The following VPS13B variants were observed in gnomAD, a reference collection of about 807,000 sequenced individuals.
VPS13B encodes vacuolar protein sorting 13 homolog B.
A neutral mutation model predicts 426.4 loss-of-function variants in VPS13B; 285 were observed. The ratio of observed to expected loss-of-function variants is 0.67; its 90% confidence interval spans 0.61 to 0.74. The LOEUF (loss-of-function observed/expected upper bound fraction) is 0.74, where lower values mean the gene tolerates loss of function less well. VPS13B is among the 30% of genes least tolerant of loss of function. The pLI is 0.00. For synonymous variants in VPS13B, 1,676 were observed against 1,676.4 expected, an observed-to-expected ratio of 1.00 and a Z score of 0.01; for missense variants, 4,537 against 4,782.6, an observed-to-expected ratio of 0.95 and a Z score of 1.51.
intron 21 of VPS13B, among the ~76,000 whole-genome samples, chr8:99,402,857 A>G (rs1815113922): frequency 1.3e-5 from 2 of 152,242 alleles, no homozygotes; most frequent in South Asian, 4.1e-4. Flanking sequence ...TGTGGGATCT[A>G]TGCAGTCTAT....
At chr8:99,180,851 T>C (rs543010165) in intron 16 of VPS13B, among the ~76,000 whole-genome samples, 2 of 152,248 alleles carry the variant, frequency 1.3e-5, no homozygotes, top group South Asian at 4.1e-4. Flanking sequence ...TTAGCCTTAA[T>C]AGTAGAGAAG....
rs563803734 is a variant in VPS13B at position 99,300,529 on chromosome 8, A to G, written c.2824+25275A>G. ...AGCTTAAAGTTGTTGCTGTATTCCA[A>G]GTCAGTTTGTAACCAACCCTAATAT... On this transcript the variant is annotated intron_variant, in intron 19 of 61. Coordinates refer to ENST00000357162, the MANE Select transcript of VPS13B (RefSeq NM_152564.5). Among the ~76,000 whole-genome samples the G allele has an allele frequency of 2.0e-5, 3 of 152,302 alleles. No individual in the cohort carries two copies. The South Asian group carries it at 6.2e-4, about 32-fold the overall frequency.
chr8:99,546,935 A>AT (rs960553601), intron 30 of VPS13B, among the ~76,000 whole-genome samples: 19 of 151,920 alleles, frequency 1.3e-4, no homozygotes, highest in African/African-American at 4.3e-4. Flanking sequence ...TTTTTCTATG[A>AT]TTTTTTCTTA....
rs191182682 is a variant in VPS13B at position 99,274,591 on chromosome 8, G to A, written c.2650+259G>A. Among the ~76,000 whole-genome samples the A allele has an allele frequency of 6.3e-3, 959 of 152,048 alleles. 8 individuals are homozygous for A. Among genetic ancestry groups the A allele is most frequent in the African/African-American group, 0.022 (900 of 41,448 alleles). ...TAAAGGAATGTTTATTATACTTTTT[G>A]GGGGAATAGGAGGTGTATATATATG... On this transcript the variant is annotated intron_variant, in intron 18 of 61. Transcript: ENST00000357162.
intron 14 of VPS13B, among the ~76,000 whole-genome samples, 193 bp from the exon 15 acceptor site, chr8:99,156,356 T>C (rs1214988024): frequency 2.0e-5 from 3 of 152,184 alleles, no homozygotes; most frequent in African/African-American, 4.8e-5. Flanking sequence ...TTCTTTGAAG[T>C]CTGGGACATA....
chr8:99,806,445 T>G (rs1480122456), intron 43 of VPS13B, among the ~76,000 whole-genome samples: 2 of 152,196 alleles, frequency 1.3e-5, no homozygotes, highest in African/African-American at 4.8e-5. Flanking sequence ...GACCCTTCCT[T>G]AACTGGACTA....
intron 32 of VPS13B, among the ~76,000 whole-genome samples, chr8:99,576,144 G>A (rs1018992253): frequency 6.6e-6 from 1 of 152,052 alleles, no homozygotes; most frequent in Admixed American, 6.6e-5. Context: ...GGTTCAAACT[G>A]ATCAATAGAA....
chr8:99,677,479 C>T (rs925809095), intron 35 of VPS13B, among the ~76,000 whole-genome samples: 10 of 152,284 alleles, frequency 6.6e-5, no homozygotes, highest in African/African-American at 1.2e-4. Context: ...ATGTCAACTA[C>T]GGAATGGACC....
intron 23 of VPS13B, among the ~76,000 whole-genome samples, chr8:99,462,844 C>T (rs992202593): frequency 6.6e-6 from 1 of 152,148 alleles, no homozygotes; most frequent in Non-Finnish European, 1.5e-5. Flanking sequence ...CGTGTGAGAA[C>T]ATGGCAAGAA....
At chr8:99,470,720 GA>G (rs35794375) in intron 24 of VPS13B, among the ~76,000 whole-genome samples, 536 of 140,038 alleles carry the variant, frequency 3.8e-3, no homozygotes, top group African/African-American at 7.5e-3. Flanking sequence ...GATTGGGATA[GA>G]AAAAAAAAAA....
intron 17 of VPS13B, chr8:99,233,514 A>C: frequency 8.0e-7 from 1 of 1,252,778 alleles, no homozygotes; most frequent in Non-Finnish European, 1.2e-6. Flanking sequence ...AAGAATGCTG[A>C]TGCGGGAACG....
rs386834105 is a variant in VPS13B, at chr8:99,766,868, AG to A, written c.7146del (p.Gln2382HisfsTer8). ...NLSESKVCELQLPDINLVNDQ... is the reference protein window; with the variant it reads ...NLSESKVCELXLPDINLVNDQ... ...TCTGAAAGCAAAGTTTGTGAACTGC[AG>A]TTGCCGGATATCAATCTCGTGAATG... On this transcript the variant is annotated frameshift_variant, in exon 40 of 62. Coordinates refer to ENST00000357162, the MANE Select transcript of VPS13B (RefSeq NM_152564.5). LOFTEE classifies it high-confidence loss of function. The A allele has an allele frequency of 1.2e-6, 2 of 1,614,078 alleles. No individual in the cohort carries two copies. Among genetic ancestry groups the A allele is most frequent in the East Asian group, 4.5e-5 (2 of 44,826 alleles).
At chr8:99,576,215 T>G (rs1004713154) in intron 32 of VPS13B, among the ~76,000 whole-genome samples, 4 of 152,132 alleles carry the variant, frequency 2.6e-5, no homozygotes, top group African/African-American at 9.6e-5. Context: ...ATTATCCTTG[T>G]TTTTATATTA....
At chr8:99,318,943 C>G (rs1264008864) in intron 19 of VPS13B, among the ~76,000 whole-genome samples, 1 of 152,176 alleles carries the variant, frequency 6.6e-6, no homozygotes, top group African/African-American at 2.4e-5. Context: ...TGTAGTAGCT[C>G]TCAACCCTAT....
At chr8:99,662,953 G>T (rs944070320) in intron 35 of VPS13B, among the ~76,000 whole-genome samples, 4 of 152,102 alleles carry the variant, frequency 2.6e-5, no homozygotes, top group Non-Finnish European at 5.9e-5. Flanking sequence ...AGCTACTCTG[G>T]AGGCTGAGGC....
At chr8:99,806,115 C>T (rs145909011) in intron 43 of VPS13B, among the ~76,000 whole-genome samples, 3 of 152,350 alleles carry the variant, frequency 2.0e-5, no homozygotes, top group Middle Eastern at 3.4e-3. Context: ...TTTGTCAGCA[C>T]ATTGCTCACT....
chr8:99,540,891 GTTTTC>G (rs1387002643), intron 30 of VPS13B, among the ~76,000 whole-genome samples: 2 of 152,188 alleles, frequency 1.3e-5, no homozygotes, highest in South Asian at 2.1e-4. Context: ...ATTGCTCGGT[GTTTTC>G]TTTTCTATTA....
intron 33 of VPS13B, among the ~76,000 whole-genome samples, chr8:99,602,570 A>T (rs2133859818): frequency 6.6e-6 from 1 of 152,290 alleles, no homozygotes; most frequent in South Asian, 2.1e-4. Flanking sequence ...GGGTGTTCAA[A>T]GAGGAAGAGA....
At chr8:99,268,094 A>G (rs1818402023) in intron 17 of VPS13B, among the ~76,000 whole-genome samples, 2 of 152,200 alleles carry the variant, frequency 1.3e-5, no homozygotes. Context: ...CTGAGAGTAC[A>G]CAGAAGACAA....
Sources: gnomAD v4.1 joint callset for allele counts (sites outside exome capture counted in the v4.1 genomes callset) on GRCh38, gnomAD v4.1.1 for gene constraint, MANE v1.5 for transcripts, NCBI Gene and HGNC (gene_info 2026-07-23, HGNC 2026-07-21) for gene names.